Variants in GPC5 observed in about 807,000 individuals in gnomAD.
GPC5 encodes glypican-5.
In GPC5, 47 loss-of-function variants were observed where a neutral mutation model predicts 53.9. The ratio of observed to expected loss-of-function variants is 0.87; its 90% CI spans 0.69 to 1.11. The LOEUF is 1.11. Ranked by LOEUF, GPC5 falls within the 50% of genes most tolerant of loss-of-function variation. The pLI is 0.00. For missense variants in GPC5, 748 were observed against 713.1 expected (o/e 1.05, Z -0.56); for synonymous variants, 286 against 263.3 (o/e 1.09, Z -0.84).
At chr13:92,590,093 A>G (rs1006730703) in intron 7 of GPC5, among the ~76,000 whole-genome samples, 5 of 152,194 alleles carry the variant, frequency 3.3e-5, no homozygotes, top group Admixed American at 1.3e-4. Context: ...AGCTCCTTGC[A>G]ATACTTCAGG....
intron 7 of GPC5, among the ~76,000 whole-genome samples, chr13:92,196,924 T>TA (rs1387257052): frequency 1.3e-5 from 2 of 152,190 alleles, no homozygotes; most frequent in African/African-American, 2.4e-5. Flanking sequence ...GCTCCTAAGT[T>TA]AAAATAATAT....
chr13:92,384,598 C>T (rs565451931), intron 7 of GPC5, among the ~76,000 whole-genome samples: 1 of 151,942 alleles, frequency 6.6e-6, no homozygotes, highest in South Asian at 2.1e-4. Context: ...CAAATCCCGC[C>T]GAGTGATCTT....
intron 7 of GPC5, among the ~76,000 whole-genome samples, chr13:92,708,498 A>G (rs1453481778): frequency 3.3e-5 from 5 of 152,172 alleles, no homozygotes; most frequent in Non-Finnish European, 5.9e-5. Context: ...CTGCAGATAT[A>G]AACACCATAA....
intron 6 of GPC5, among the ~76,000 whole-genome samples, chr13:91,985,353 T>G (rs1446999265): frequency 7.0e-6 from 1 of 143,134 alleles, no homozygotes; most frequent in Non-Finnish European, 1.6e-5. Flanking sequence ...GATGTTTGTC[T>G]GTGTAATAAA....
At chr13:92,446,199 T>A (rs1877818532) in intron 7 of GPC5, among the ~76,000 whole-genome samples, 1 of 151,968 alleles carries the variant, frequency 6.6e-6, no homozygotes, top group African/African-American at 2.4e-5. Flanking sequence ...TTCTAACTTT[T>A]TTTTTACCCA....
At chr13:92,333,106 T>C (rs1216410252) in intron 7 of GPC5, among the ~76,000 whole-genome samples, 2 of 152,110 alleles carry the variant, frequency 1.3e-5, no homozygotes, top group Non-Finnish European at 2.9e-5. Context: ...ACCTGAAATA[T>C]AGTTGATAAA....
intron 2 of GPC5, among the ~76,000 whole-genome samples, chr13:91,536,058 C>T (rs1042605528): frequency 6.6e-6 from 1 of 151,984 alleles, no homozygotes; most frequent in Non-Finnish European, 1.5e-5. Context: ...AGTTGACTAC[C>T]ATTTATGTTT....
rs1207309078 is a variant in GPC5 at position 91,622,683 on chromosome 13, A to C, written c.326-70504A>C. On this transcript the variant is annotated intron_variant, in intron 2 of 7. Transcript: ENST00000377067. Reference sequence around the variant, plus strand: ...CGATCTTCCAGCAGCTGTGTCTGCCATGAGATGCCTTTGTGATTTTCAACA... The same window carrying C: ...CGATCTTCCAGCAGCTGTGTCTGCCCTGAGATGCCTTTGTGATTTTCAACA... Among the ~76,000 whole-genome samples, 3 of 152,264 alleles carry C rather than the reference A, an allele frequency of 2.0e-5. No homozygotes were observed. In the East Asian group the frequency reaches 5.8e-4, roughly 29 times the overall value.
chr13:91,438,613 C>A (rs144620229), intron 1 of GPC5, among the ~76,000 whole-genome samples: 5,452 of 152,190 alleles, frequency 0.036, 144 homozygotes, highest in Middle Eastern at 0.068. Context: ...GGGTCAGGTA[C>A]CCACTTGAGG....
chr13:92,733,416 T>C (rs1429496288), intron 7 of GPC5, among the ~76,000 whole-genome samples: 1 of 151,662 alleles, frequency 6.6e-6, no homozygotes, highest in Non-Finnish European at 1.5e-5. Flanking sequence ...CTGGTACCAA[T>C]AGGCAGGAAG....
intron 7 of GPC5, among the ~76,000 whole-genome samples, chr13:92,272,426 G>A (rs778841884): frequency 1.3e-4 from 20 of 152,132 alleles, no homozygotes; most frequent in Admixed American, 5.9e-4. Flanking sequence ...GCAATGTTTT[G>A]ATTTATGAAA....
Position 91,734,871 on chromosome 13 carries a change from A to G in GPC5, c.1154+6206A>G, listed in dbSNP as rs537062130. ...TATAGTTTTTGAAAAATGCATTACC[A>G]TATTTCTATTTTTTTTCTGTTTTAT... On this transcript the variant is annotated intron_variant, in intron 4 of 7. Coordinates refer to ENST00000377067, the MANE Select transcript of GPC5 (RefSeq NM_004466.6). 6.4e-5 allele frequency among the ~76,000 whole-genome samples: 9 copies of G among 140,094 alleles called. 1 individual carries two copies. The highest frequency in any genetic ancestry group is 2.5e-4 in the African/African-American group (9 of 36,660). The allele number at this position is 140,094 out of a possible 152,430, so 91.9% of individuals were successfully genotyped here. A position where few individuals can be genotyped will look rare whatever the true frequency, so the allele number is the denominator to read the frequency against.
chr13:92,138,412 C>T (rs1187368866), intron 6 of GPC5, among the ~76,000 whole-genome samples: 3 of 151,824 alleles, frequency 2.0e-5, no homozygotes, highest in Admixed American at 1.3e-4. Context: ...CCCAGCTACT[C>T]GGTAGGCTGA....
At chr13:92,773,526 G>A (rs900262084) in intron 7 of GPC5, among the ~76,000 whole-genome samples, 2 of 152,054 alleles carry the variant, frequency 1.3e-5, no homozygotes, top group Admixed American at 6.6e-5. Flanking sequence ...CTATATCTTT[G>A]TCAGACTAAA....
chr13:91,541,415 A>G (rs1001811620), intron 2 of GPC5, among the ~76,000 whole-genome samples: 1 of 152,110 alleles, frequency 6.6e-6, no homozygotes, highest in Non-Finnish European at 1.5e-5. Context: ...TGCCTCCTTT[A>G]TTATAAACTG....
chr13:91,791,004 G>C (rs1428384248), intron 5 of GPC5, among the ~76,000 whole-genome samples: 1 of 152,130 alleles, frequency 6.6e-6, no homozygotes, highest in East Asian at 1.9e-4. Context: ...AAAGAGTGAT[G>C]CTCCTTTAGC....
chr13:91,941,318 C>T (rs1401467424), intron 6 of GPC5, among the ~76,000 whole-genome samples: 1 of 151,966 alleles, frequency 6.6e-6, no homozygotes, highest in Non-Finnish European at 1.5e-5. Flanking sequence ...CTTAGGATTG[C>T]TTTGGCTATG....
At chr13:92,362,116 A>C (rs917182649) in intron 7 of GPC5, among the ~76,000 whole-genome samples, 2 of 151,770 alleles carry the variant, frequency 1.3e-5, no homozygotes, top group Non-Finnish European at 2.9e-5. Context: ...ATTAAACAAT[A>C]TCTTACTACT....
chr13:91,498,972 C>CA (rs5805699), intron 2 of GPC5, among the ~76,000 whole-genome samples: 97,384 of 149,320 alleles, frequency 0.65, 35,486 homozygotes, highest in East Asian at 0.9. Flanking sequence ...GTCTCCCTCT[C>CA]AAAAAAAAAG....
Sources: gnomAD v4.1 joint callset for allele counts (sites outside exome capture counted in the v4.1 genomes callset) on GRCh38, gnomAD v4.1.1 for gene constraint, MANE v1.5 for transcripts, NCBI Gene and HGNC (gene_info 2026-07-23, HGNC 2026-07-21) for gene names.